MORN5: variants seen among roughly 807,000 people sequenced by gnomAD.
The protein encoded by MORN5 is MORN repeat containing 5.
Under a neutral mutation model 22.1 loss-of-function variants are expected in MORN5, and 21 were observed. The observed-to-expected ratio is 0.95, with a 90% CI of 0.67 to 1.37. MORN5 has a LOEUF of 1.37. Among genes scored for constraint, MORN5 ranks in the 40% most tolerant of loss-of-function variants. The pLI, the probability that MORN5 is intolerant of heterozygous loss-of-function variation, is 0.00. For synonymous variants in MORN5, 73 were observed against 74.0 expected (o/e 0.99, Z 0.07); for missense variants, 211 against 215.1 (o/e 0.98, Z 0.12).
At chr9:122,168,275 A>G (rs1186325839) in intron 2 of MORN5, among the ~76,000 whole-genome samples, 3 of 152,218 alleles carry the variant, frequency 2.0e-5, no homozygotes, top group Non-Finnish European at 2.9e-5. Flanking sequence ...CATCACTGCT[A>G]CTATCATTAT....
chr9:122,184,149 C>G (rs1288212619), intron 4 of MORN5, among the ~76,000 whole-genome samples: 1 of 152,154 alleles, frequency 6.6e-6, no homozygotes, highest in Non-Finnish European at 1.5e-5. Flanking sequence ...CATGTGGTCC[C>G]TGTTTGACAA....
chr9:122,188,461 G>T (rs1829686165), intron 4 of MORN5, among the ~76,000 whole-genome samples: 1 of 152,216 alleles, frequency 6.6e-6, no homozygotes, highest in Non-Finnish European at 1.5e-5. Flanking sequence ...TGTTGCCACT[G>T]CTCTAGTCTT....
At chr9:122,186,865 C>T (rs1486725766) in intron 4 of MORN5, among the ~76,000 whole-genome samples, 1 of 152,216 alleles carries the variant, frequency 6.6e-6, no homozygotes, top group Non-Finnish European at 1.5e-5. Context: ...AGCCCAAGCT[C>T]TGGAACTCAG....
chr9:122,165,417 A>ATT (rs1829261783), intron 1 of MORN5, among the ~76,000 whole-genome samples: 1 of 149,404 alleles, frequency 6.7e-6, no homozygotes, highest in South Asian at 2.1e-4. Flanking sequence ...AAAAAAAAAA[A>ATT]AAATTAAATA....
intron 4 of MORN5, among the ~76,000 whole-genome samples, chr9:122,175,897 G>T (rs112616732): frequency 0.017 from 2,561 of 152,026 alleles, 32 homozygotes; most frequent in Non-Finnish European, 0.027. Context: ...GGCGGATCAT[G>T]AGGTCAGGAG....
At chr9:122,162,469 T>C (rs1328157422) in intron 1 of MORN5, among the ~76,000 whole-genome samples, 1 of 152,208 alleles carries the variant, frequency 6.6e-6, no homozygotes, top group Non-Finnish European at 1.5e-5. Context: ...ATTCCACTTA[T>C]AGGTATTTAC....
Position 122,166,878 on chromosome 9 carries a change from A to G in MORN5, c.158A>G (p.Gln53Arg). The change falls in exon 2 of 5, where the codon CAA becomes CGA. Residue 53 changes from glutamine to arginine, a missense_variant. Transcript: ENST00000373764. Reference sequence around the variant, plus strand: ...ACCCTGTACTTCCCCAGCGGAAGCCAATACGACGCCATTTGGGAAAACGGA... The same window carrying G: ...ACCCTGTACTTCCCCAGCGGAAGCCGATACGACGCCATTTGGGAAAACGGA... ...EGTLYFPSGS[Q>R]YDAIWENGLA... 1 of 1,613,986 alleles carries G rather than the reference A, an allele frequency of 6.2e-7. No homozygotes were observed. The highest frequency in any genetic ancestry group is 2.2e-5 in the East Asian group (1 of 44,864).
At chr9:122,167,000 C>T in intron 2 of MORN5, 85 bp downstream of exon 2, 1 of 1,315,084 alleles carries the variant, frequency 7.6e-7, no homozygotes. Context: ...TCCTCCCTGT[C>T]TGGTGCCCAC....
At chr9:122,196,966 A>G (rs149454263) in intron 4 of MORN5, among the ~76,000 whole-genome samples, 11 of 152,340 alleles carry the variant, frequency 7.2e-5, no homozygotes, top group African/African-American at 2.6e-4. Flanking sequence ...CCCCGAATCT[A>G]GCACAATGCC....
chr9:122,192,459 C>A (rs530281782), intron 4 of MORN5, among the ~76,000 whole-genome samples: 1 of 152,346 alleles, frequency 6.6e-6, no homozygotes, highest in African/African-American at 2.4e-5. Flanking sequence ...CACACTGCCC[C>A]CTCCCTGCGA....
rs78022990 is a variant in MORN5, at chr9:122,173,991, A to C, written c.308-505A>C. Among the ~76,000 whole-genome samples, 84 of 152,308 alleles carry C rather than the reference A, an allele frequency of 5.5e-4. No homozygotes were observed. The East Asian group carries it at 0.016, about 29-fold the overall frequency. ...ACCGTGGTAATTTTGGCAAGAGTCA[A>C]AGTTCTCCACCACCTGCCCCTTGTC... On this transcript the variant is annotated intron_variant, in intron 3 of 4. Transcript: ENST00000373764.
chr9:122,193,809 G>A (rs1334235307), intron 4 of MORN5, among the ~76,000 whole-genome samples: 1 of 152,306 alleles, frequency 6.6e-6, no homozygotes, highest in East Asian at 1.9e-4. Context: ...AGGCACTGGC[G>A]AGCATGCACG....
At position 122,174,573 on chromosome 9, in the gene MORN5, A is replaced by T; in HGVS notation, c.385A>T (p.Asn129Tyr). Residue 129 changes from asparagine to tyrosine, a missense_variant, in exon 4 of 5, where the codon AAC (asparagine) becomes TAC (tyrosine). Coordinates refer to ENST00000373764, the MANE Select transcript of MORN5 (RefSeq NM_198469.4). ...TTACGATTGTGGAGACGGCTTCTAT[A>T]ACCCAGTCACGAGGGTAGTCAAGGA... ...GYYDCGDGFY[N>Y]PVTRVVKDYR... 4 of 1,614,144 alleles carry T rather than the reference A, an allele frequency of 2.5e-6. No individual in the cohort carries two copies. In the South Asian group the frequency reaches 4.4e-5, roughly 18 times the overall value.
At chr9:122,173,392 A>G (rs1427353652) in intron 3 of MORN5, among the ~76,000 whole-genome samples, 1 of 152,206 alleles carries the variant, frequency 6.6e-6, no homozygotes, top group Non-Finnish European at 1.5e-5. Flanking sequence ...AAAGTGCTTG[A>G]CATGGAGTAA....
intron 3 of MORN5, among the ~76,000 whole-genome samples, chr9:122,174,251 G>A (rs1829410007): frequency 1.3e-5 from 2 of 152,166 alleles, no homozygotes; most frequent in South Asian, 4.1e-4. Flanking sequence ...GAGGAGGATG[G>A]GGTCAAAGGA....
chr9:122,160,241 G>A (rs1721121202), intron 1 of MORN5, among the ~76,000 whole-genome samples: 5 of 152,158 alleles, frequency 3.3e-5, no homozygotes, highest in Admixed American at 3.3e-4. Flanking sequence ...CTATCTGCCA[G>A]TTTTAAACAT....
At chr9:122,167,372 T>TTTC (rs981682615) in intron 2 of MORN5, among the ~76,000 whole-genome samples, 5 of 137,166 alleles carry the variant, frequency 3.6e-5, no homozygotes, top group African/African-American at 1.5e-4. Context: ...TTTTTTTTTT[T>TTTC]TTGAAAACGA....
intron 4 of MORN5, among the ~76,000 whole-genome samples, chr9:122,180,285 T>C (rs896183675): frequency 8.3e-5 from 12 of 143,920 alleles, no homozygotes; most frequent in South Asian, 4.5e-4. Context: ...TTTTCTTCTT[T>C]TTTTTTTTTT....
At chr9:122,164,036 CA>C (rs1386165472) in intron 1 of MORN5, among the ~76,000 whole-genome samples, 1 of 152,224 alleles carries the variant, frequency 6.6e-6, no homozygotes, top group African/African-American at 2.4e-5. Flanking sequence ...AGATATGCGC[CA>C]CCATGCCCAG....
Sources: gnomAD v4.1 joint callset for allele counts (sites outside exome capture counted in the v4.1 genomes callset) on GRCh38, gnomAD v4.1.1 for gene constraint, MANE v1.5 for transcripts, NCBI Gene and HGNC (gene_info 2026-07-23, HGNC 2026-07-21) for gene names.